The following CATSPERB variants were observed in gnomAD, a reference collection of about 807,000 sequenced individuals.
CATSPERB encodes catsper channel auxiliary subunit beta.
Under a neutral mutation model 128.3 loss-of-function variants are expected in CATSPERB, and 93 were observed. The observed-to-expected ratio is 0.72, with a 90% CI of 0.61 to 0.86. The LOEUF (loss-of-function observed/expected upper bound fraction) is 0.86. CATSPERB is among the 40% of genes least tolerant of loss of function. CATSPERB has a pLI of 0.00. For synonymous variants in CATSPERB, 381 were observed against 448.8 expected (o/e 0.85, Z 1.91); for missense variants, 1,153 against 1,329.5 (o/e 0.87, Z 2.06).
rs146039794 is a variant in CATSPERB at position 91,713,494 on chromosome 14, C to T, written c.371-5258G>A. On this transcript the variant is annotated intron_variant, in intron 5 of 26. Coordinates refer to ENST00000256343, the MANE Select transcript of CATSPERB (RefSeq NM_024764.4). The stretch of plus-strand genomic sequence containing the variant: ...GTTAGAGATAAAATAGGGAACACCA[C>T]TACAGACACTATAGATATTCTAAGG... Among the ~76,000 whole-genome samples the T allele has an allele frequency of 5.0e-3, 767 of 152,228 alleles. 11 individuals are homozygous for T. The highest frequency in any genetic ancestry group is 0.017 in the African/African-American group (719 of 41,544).
rs779057216 is a variant in CATSPERB at position 91,580,985 on chromosome 14, C to T, written c.3255G>A (p.Pro1085=). The T allele has an allele frequency of 1.6e-5, 26 of 1,614,010 alleles. No homozygotes were observed. In the African/African-American group the frequency reaches 1.9e-4, roughly 12 times the overall value. ...AFMFQLQGIH[P]WRTFQRWIRR... The stretch of plus-strand genomic sequence containing the variant: ...TAATCCATCTTTGGAATGTCCTCCA[C>T]GGATGGATGCCTTGCAGTTGAAACA... Residue 1085 remains proline, a synonymous_variant, in exon 27 of 27, where the codon CCG becomes CCA. Transcript: ENST00000256343.
chr14:91,692,706 T>C (rs1895492750), intron 9 of CATSPERB, among the ~76,000 whole-genome samples: 1 of 152,202 alleles, frequency 6.6e-6, no homozygotes, highest in Non-Finnish European at 1.5e-5. Context: ...ATGGTATGCA[T>C]ATTAACAATC....
chr14:91,624,712 T>C, intron 18 of CATSPERB, 108 bp downstream of exon 18: 1 of 799,382 alleles, frequency 1.3e-6, no homozygotes, highest in Non-Finnish European at 1.8e-6. Context: ...CCAGTTGGAC[T>C]AAAATTTGAA....
chr14:91,676,033 C>G (rs1305059660), intron 11 of CATSPERB, among the ~76,000 whole-genome samples: 5 of 152,142 alleles, frequency 3.3e-5, no homozygotes, highest in Non-Finnish European at 7.4e-5. Flanking sequence ...TTTGCCATCT[C>G]ATTTGTTGCC....
At chr14:91,636,964 TTGC>T (rs1433655940) in intron 16 of CATSPERB, among the ~76,000 whole-genome samples, 7 of 152,200 alleles carry the variant, frequency 4.6e-5, no homozygotes, top group Non-Finnish European at 1.0e-4. Context: ...CTGTCCTCAC[TTGC>T]TGCTCCTGAT....
chr14:91,603,572 G>C lies in CATSPERB; in HGVS notation c.2709+4722C>G, dbSNP rs372104049. 2 of 665,818 alleles carry C rather than the reference G, an allele frequency of 3.0e-6. 1 individual carries two copies. Among genetic ancestry groups the C allele is most frequent in the East Asian group, 5.1e-5 (2 of 38,924 alleles). The allele number at this position is 665,818 out of a possible 1,614,324, so 41.2% of individuals were successfully genotyped here. Reference sequence around the variant, plus strand: ...CCCACCGCTCTAGAGCCTGAGAAGCGCGCACTGCCCTCAGAAGAGAGGTTT... The same window carrying C: ...CCCACCGCTCTAGAGCCTGAGAAGCCCGCACTGCCCTCAGAAGAGAGGTTT... On this transcript the variant is annotated intron_variant, in intron 22 of 26. Transcript: ENST00000256343.
chr14:91,580,800 G>T lies in CATSPERB; in HGVS notation c.*89C>A. On this transcript the variant is annotated 3_prime_UTR_variant, in exon 27 of 27. Transcript: ENST00000256343. ...TAATGACAATTCTTTAGGATTTTAT[G>T]TAGCTTGCATATTTAACATTTAAAT... The T allele has an allele frequency of 1.0e-6, 1 of 955,808 alleles. No individual in the cohort carries two copies. The highest frequency in any genetic ancestry group is 1.6e-6 in the Non-Finnish European group (1 of 630,824). The allele number at this position is 955,808 out of a possible 1,614,324, so 59.2% of individuals were successfully genotyped here.
At chr14:91,650,837 T>A (rs67532161) in intron 15 of CATSPERB, among the ~76,000 whole-genome samples, 44,345 of 152,044 alleles carry the variant, frequency 0.29, 6,592 homozygotes, top group Middle Eastern at 0.34. Context: ...ATCTTTAGCA[T>A]CTATATTTAT....
In CATSPERB at chr14:91,698,173, C is replaced by A. The variant is rs118055462; in HGVS notation, c.617-4694G>T. On this transcript the variant is annotated intron_variant, in intron 7 of 26. Coordinates refer to ENST00000256343, the MANE Select transcript of CATSPERB (RefSeq NM_024764.4). ...GGGATTGTGCTCTCGATTTGGCTCT[C>A]AGCTTGAATGATTTTGGTGTATAGG... Among the ~76,000 whole-genome samples, 1,314 of 152,146 alleles carry A rather than the reference C, an allele frequency of 8.6e-3. 10 individuals are homozygous for A. Among genetic ancestry groups the A allele is most frequent in the Middle Eastern group, 0.058 (17 of 294 alleles).
chr14:91,712,866 T>C (rs1275162089), intron 5 of CATSPERB, among the ~76,000 whole-genome samples: 2 of 152,120 alleles, frequency 1.3e-5, no homozygotes, highest in Admixed American at 1.3e-4. Context: ...TTGGCTGTGC[T>C]AGGAAACTAG....
At chr14:91,677,734 T>C (rs1895215121) in intron 11 of CATSPERB, among the ~76,000 whole-genome samples, 1 of 152,138 alleles carries the variant, frequency 6.6e-6, no homozygotes, top group Non-Finnish European at 1.5e-5. Context: ...AATAAATCAT[T>C]CTACTATAAA....
chr14:91,717,475 C>T (rs1237395117), intron 5 of CATSPERB, among the ~76,000 whole-genome samples: 1 of 152,180 alleles, frequency 6.6e-6, no homozygotes, highest in Non-Finnish European at 1.5e-5. Context: ...ACCACCCAGT[C>T]ATCTCTAAAT....
chr14:91,586,423 C>T (rs185289570), intron 26 of CATSPERB, among the ~76,000 whole-genome samples: 531 of 152,142 alleles, frequency 3.5e-3, no homozygotes, highest in Non-Finnish European at 6.0e-3. Context: ...TTCCTAGTTT[C>T]TTTATCTAGT....
intron 22 of CATSPERB, chr14:91,603,064 T>C (rs1261270084): frequency 1.5e-5 from 12 of 784,244 alleles, no homozygotes; most frequent in Non-Finnish European, 2.8e-5. Flanking sequence ...CCTTTTTGGG[T>C]TTTGGGCCTG....
At chr14:91,596,576 T>G (rs528555370) in intron 22 of CATSPERB, among the ~76,000 whole-genome samples, 120 of 152,320 alleles carry the variant, frequency 7.9e-4, no homozygotes, top group African/African-American at 2.8e-3. Flanking sequence ...AAAAAAGTTT[T>G]AAGGTAGCCA....
intron 5 of CATSPERB, among the ~76,000 whole-genome samples, chr14:91,713,133 C>T (rs1163565499): frequency 6.6e-6 from 1 of 152,112 alleles, no homozygotes; most frequent in Non-Finnish European, 1.5e-5. Context: ...AACTATACCA[C>T]TGTAGCATAA....
At chr14:91,687,298 C>A (rs1388530408) in intron 10 of CATSPERB, among the ~76,000 whole-genome samples, 8 of 152,132 alleles carry the variant, frequency 5.3e-5, no homozygotes. Context: ...ATTTCCCTTG[C>A]AACATGTCCT....
intron 15 of CATSPERB, among the ~76,000 whole-genome samples, chr14:91,648,070 A>T (rs1038970888): frequency 6.6e-6 from 1 of 152,168 alleles, no homozygotes; most frequent in African/African-American, 2.4e-5. Context: ...CCTATTTCAC[A>T]GCCAATCCTT....
At chr14:91,616,804 C>A (rs935062825) in intron 20 of CATSPERB, among the ~76,000 whole-genome samples, 1 of 137,330 alleles carries the variant, frequency 7.3e-6, no homozygotes, top group East Asian at 2.2e-4. Context: ...TGCAATGGCA[C>A]GATCTCGGTT....
Sources: allele counts gnomAD v4.1 joint callset (sites outside exome capture counted in the v4.1 genomes callset), GRCh38; gene constraint gnomAD v4.1.1; transcripts MANE v1.5; gene names NCBI Gene and HGNC (gene_info 2026-07-23, HGNC 2026-07-21).